FOXP1: variants seen among roughly 807,000 people sequenced by gnomAD.
FOXP1 encodes forkhead box protein P1.
In FOXP1, 15 loss-of-function variants were observed where a neutral mutation model predicts 98.2. The ratio of observed to expected loss-of-function variants is 0.15; its 90% CI spans 0.10 to 0.24. The LOEUF (loss-of-function observed/expected upper bound fraction) is 0.24. Among genes scored for constraint, FOXP1 ranks in the 10% least tolerant of loss-of-function variants. FOXP1 has a pLI of 1.00. For synonymous variants in FOXP1, 371 were observed against 314.5 expected, an observed-to-expected ratio of 1.18 and a Z score of -1.90; for missense variants, 633 against 848.5, an observed-to-expected ratio of 0.75 and a Z score of 3.15.
intron 2 of FOXP1, among the ~76,000 whole-genome samples, chr3:71,510,945 A>G (rs1355277683): frequency 6.6e-6 from 1 of 152,238 alleles, no homozygotes; most frequent in East Asian, 1.9e-4. Context: ...TGCTAAATTT[A>G]AAGAAACAAC....
At chr3:71,488,171 T>A (rs549112228) in intron 3 of FOXP1, among the ~76,000 whole-genome samples, 27 of 152,332 alleles carry the variant, frequency 1.8e-4, no homozygotes, top group Admixed American at 2.0e-4. Flanking sequence ...CTATCTACAC[T>A]ATATAAATTT....
At chr3:71,496,000 C>G (rs1203124691) in intron 2 of FOXP1, among the ~76,000 whole-genome samples, 1 of 152,166 alleles carries the variant, frequency 6.6e-6, no homozygotes, top group Non-Finnish European at 1.5e-5. Context: ...ACTTCCCCCT[C>G]CAATTACTGC....
chr3:71,048,064 G>C (rs528115174), intron 9 of FOXP1, among the ~76,000 whole-genome samples: 1 of 152,006 alleles, frequency 6.6e-6, no homozygotes, highest in Admixed American at 6.6e-5. Context: ...GCTAGCAATC[G>C]TATCGAGGTG....
At chr3:71,583,165 G>A (rs557961254) in intron 1 of FOXP1, among the ~76,000 whole-genome samples, 119 of 152,192 alleles carry the variant, frequency 7.8e-4, no homozygotes, top group Admixed American at 2.9e-3. Flanking sequence ...CTCTCCCCTA[G>A]GCGATCGTGG....
At chr3:70,996,325 G>C (rs957505143) in intron 13 of FOXP1, among the ~76,000 whole-genome samples, 5 of 152,170 alleles carry the variant, frequency 3.3e-5, no homozygotes, top group African/African-American at 1.2e-4. Flanking sequence ...CAGGACAGCT[G>C]TCATGCACAG....
At chr3:71,384,986 A>G (rs1371256025) in intron 3 of FOXP1, among the ~76,000 whole-genome samples, 1 of 152,182 alleles carries the variant, frequency 6.6e-6, no homozygotes. Context: ...GACTTGAGCA[A>G]TAATACAGCA....
chr3:71,326,597 G>A (rs950978638), intron 4 of FOXP1, among the ~76,000 whole-genome samples: 5 of 152,156 alleles, frequency 3.3e-5, no homozygotes, highest in Admixed American at 3.3e-4. Flanking sequence ...TTTGGAGCTA[G>A]GTACTTTGGC....
chr3:71,459,696 T>C (rs2087837920), intron 3 of FOXP1, among the ~76,000 whole-genome samples: 1 of 152,172 alleles, frequency 6.6e-6, no homozygotes, highest in African/African-American at 2.4e-5. Flanking sequence ...CAAATACAGC[T>C]AAAATAAAAC....
intron 3 of FOXP1, among the ~76,000 whole-genome samples, chr3:71,450,859 T>G (rs1365716675): frequency 6.6e-6 from 1 of 152,200 alleles, no homozygotes; most frequent in Middle Eastern, 3.2e-3. Flanking sequence ...ATTTTATGTT[T>G]TGGGCACTTC....
chr3:71,167,419 T>C (rs1261397480), intron 6 of FOXP1, among the ~76,000 whole-genome samples: 1 of 152,228 alleles, frequency 6.6e-6, no homozygotes, highest in Non-Finnish European at 1.5e-5. Flanking sequence ...AACAGGGCAG[T>C]ATTTAAAGCG....
intron 3 of FOXP1, among the ~76,000 whole-genome samples, chr3:71,367,433 G>A (rs951635982): frequency 2.6e-5 from 4 of 152,128 alleles, no homozygotes; most frequent in Non-Finnish European, 4.4e-5. Context: ...ACAAGGTCCT[G>A]TATGACCTGA....
intron 5 of FOXP1, among the ~76,000 whole-genome samples, chr3:71,243,376 C>T (rs1020941903): frequency 6.6e-6 from 1 of 152,196 alleles, no homozygotes; most frequent in Non-Finnish European, 1.5e-5. Context: ...AAGAAACCAA[C>T]AGGAATGTGC....
chr3:71,419,631 C>T (rs1375903025), intron 3 of FOXP1, among the ~76,000 whole-genome samples: 7 of 152,110 alleles, frequency 4.6e-5, no homozygotes, highest in Admixed American at 1.3e-4. Context: ...CCATTCACCA[C>T]ATCATTTGCA....
chr3:71,546,844 A>G (rs2045401028), intron 2 of FOXP1, among the ~76,000 whole-genome samples: 1 of 152,216 alleles, frequency 6.6e-6, no homozygotes, highest in Non-Finnish European at 1.5e-5. Flanking sequence ...AATGGAGGCA[A>G]GCGCTGGCTT....
At chr3:71,123,107 C>T (rs1017328849) in intron 6 of FOXP1, among the ~76,000 whole-genome samples, 1 of 152,158 alleles carries the variant, frequency 6.6e-6, no homozygotes, top group Non-Finnish European at 1.5e-5. Context: ...CCTCCCTGTT[C>T]TCTGCCCACA....
chr3:71,028,294 G>A (rs542682394), intron 11 of FOXP1, among the ~76,000 whole-genome samples: 129 of 152,176 alleles, frequency 8.5e-4, no homozygotes, highest in African/African-American at 2.9e-3. Flanking sequence ...TTTGAACTTC[G>A]GTAGAATGCC....
chr3:71,374,628 A>C (rs2079586627), intron 3 of FOXP1, among the ~76,000 whole-genome samples: 1 of 152,166 alleles, frequency 6.6e-6, no homozygotes, highest in Non-Finnish European at 1.5e-5. Flanking sequence ...TATCTGTCAG[A>C]AAATGAATTC....
intron 3 of FOXP1, among the ~76,000 whole-genome samples, chr3:71,377,600 T>C (rs1405802136): frequency 6.6e-6 from 1 of 152,202 alleles, no homozygotes; most frequent in Admixed American, 6.5e-5. Flanking sequence ...AATTTGAAAC[T>C]AGATCTTTTT....
chr3:71,012,519 A>C (rs1002738771), intron 12 of FOXP1, among the ~76,000 whole-genome samples: 2 of 152,182 alleles, frequency 1.3e-5, no homozygotes, highest in Non-Finnish European at 2.9e-5. Context: ...TAAGTACTTA[A>C]GTTTTCAATG....
Sources: gnomAD v4.1 joint callset for allele counts (sites outside exome capture counted in the v4.1 genomes callset) on GRCh38, gnomAD v4.1.1 for gene constraint, MANE v1.5 for transcripts, NCBI Gene and HGNC (gene_info 2026-07-23, HGNC 2026-07-21) for gene names.